Variants in P2RX6 observed in about 807,000 individuals in gnomAD.
P2RX6 encodes purinergic receptor P2X 6.
A neutral mutation model predicts 54.2 loss-of-function variants in P2RX6; 62 were observed. That is an observed-to-expected ratio of 1.14 (90% confidence interval 0.93 to 1.41). P2RX6 has a LOEUF of 1.41. Ranked by LOEUF, P2RX6 falls within the 40% of genes most tolerant of loss-of-function variation. P2RX6 has a pLI of 0.00. For missense variants in P2RX6, 541 were observed against 566.3 expected, an observed-to-expected ratio of 0.96 and a Z score of 0.45; for synonymous variants, 211 against 231.9, an observed-to-expected ratio of 0.91 and a Z score of 0.82.
At chr22:21,014,940 C>T (rs1249293253), upstream of P2RX6, 6 of 443,358 alleles carry the variant, frequency 1.4e-5, no homozygotes, top group Non-Finnish European at 2.4e-5. Flanking sequence ...GGAAGTGAGG[C>T]CAGAGGGCAG....
At chr22:21,021,095 C>T (rs1927314526) in intron 3 of P2RX6, among the ~76,000 whole-genome samples, 1 of 152,024 alleles carries the variant, frequency 6.6e-6, no homozygotes, top group African/African-American at 2.4e-5. Context: ...CCCTGTAAGC[C>T]CCACTAAGGA....
intron 2 of P2RX6, among the ~76,000 whole-genome samples, chr22:21,017,147 C>T (rs1601750018): frequency 6.6e-6 from 1 of 152,140 alleles, no homozygotes; most frequent in Non-Finnish European, 1.5e-5. Flanking sequence ...GTGCACACCA[C>T]GCAGCAGCCA....
rs1036203045 is a variant in P2RX6, at chr22:21,022,933, G to C, written c.464-9G>C. Reference sequence around the variant, plus strand: ...TTTGAAGGTCTGGAGTTCATCTTTTGTTTTCTAGGTGTAAAAACAGGCCAG... The same window carrying C: ...TTTGAAGGTCTGGAGTTCATCTTTTCTTTTCTAGGTGTAAAAACAGGCCAG... On this transcript the variant is annotated splice_polypyrimidine_tract_variant and intron_variant, in intron 4 of 11. Transcript: ENST00000413302. 3.7e-6 allele frequency: 6 copies of C among 1,611,730 alleles called. No homozygotes were observed. Among genetic ancestry groups the C allele is most frequent in the Admixed American group, 3.3e-5 (2 of 59,994 alleles).
chr22:21,022,852 C>T (rs1601769083), intron 4 of P2RX6, 90 bp from the exon 5 acceptor site: 1 of 1,482,228 alleles, frequency 6.7e-7, no homozygotes, highest in South Asian at 1.2e-5. Context: ...TCTGTCCCTG[C>T]ATCTCTCTTT....
At chr22:21,022,168 A>G (rs1220785729) in intron 3 of P2RX6, among the ~76,000 whole-genome samples, 1 of 152,034 alleles carries the variant, frequency 6.6e-6, no homozygotes, top group Non-Finnish European at 1.5e-5. Flanking sequence ...AGGAGTTAAA[A>G]ACCAGCCTGG....
rs149537400 is a variant in P2RX6 at position 21,026,504 on chromosome 22, C to G, written c.1213C>G (p.Arg405Gly). The G allele has an allele frequency of 1.9e-5, 30 of 1,595,780 alleles. No homozygotes were observed. Among genetic ancestry groups the G allele is most frequent in the Non-Finnish European group, 2.2e-5 (26 of 1,171,928 alleles). The change falls in exon 12 of 12, where the codon CGG (arginine) becomes GGG (glycine). Residue 405 changes from arginine to glycine, a missense_variant. Arg to Gly is a moderately radical substitution (Grantham distance 125). Transcript: ENST00000413302. This position sits in a 1 kb window ranked among gnomAD's most constrained non-coding sequence, Gnocchi z 4.0. Reference sequence around the variant, plus strand: ...AGCCCGACTGGCCGAGTGCCTCAGACGGAGCTCAGCACCTGCACCCACGGC... The same window carrying G: ...AGCCCGACTGGCCGAGTGCCTCAGAGGGAGCTCAGCACCTGCACCCACGGC... ...SQARLAECLR[R>G]SSAPAPTATA... is the part of the protein sequence containing the mutation.
In P2RX6 at chr22:21,021,431, T is replaced by A. The variant is rs1927388475; in HGVS notation, c.388-1245T>A. 3.9e-5 allele frequency among the ~76,000 whole-genome samples: 6 copies of A among 152,074 alleles called. 1 individual carries two copies. In the South Asian group the frequency reaches 1.2e-3, roughly 32 times the overall value. ...GTGGGGGCCCCACTGGTGGTCACTG[T>A]GGGGTCTAGTTGGAGGAGACGGTAG... On this transcript the variant is annotated intron_variant, in intron 3 of 11. Transcript: ENST00000413302.
At chr22:21,023,091 A>T in intron 5 of P2RX6, 27 bp from the exon 6 acceptor site, 2 of 1,613,222 alleles carry the variant, frequency 1.2e-6, no homozygotes, top group Non-Finnish European at 1.7e-6. Context: ...GGCCTGGCAG[A>T]GGCTGTCACC....
rs753435216 is a variant in P2RX6, at chr22:21,023,178, C to A, written c.618C>A (p.Phe206Leu). ...FTLFIKNTVTFSKFNFSKSNA... is the reference protein window; with the variant it reads ...FTLFIKNTVTLSKFNFSKSNA... ...TGTTCATCAAAAACACAGTCACCTT[C>A]AGCAAGTTCAACTTCTCTAAGTAAG... Residue 206 changes from phenylalanine (F) to leucine (L), a missense_variant, in exon 6 of 12, where the codon TTC (phenylalanine) becomes TTA (leucine). By Grantham distance (22) the Phe-to-Leu change is conservative. Around this residue, in one of 2 missense-constraint regions of P2RX6, gnomAD observed 526 missense variants for 531.5 expected, o/e 0.99. Coordinates refer to ENST00000413302, the MANE Select transcript of P2RX6 (RefSeq NM_005446.5). 1 of 1,613,976 alleles carries A rather than the reference C, an allele frequency of 6.2e-7. No homozygotes were observed. The highest frequency in any genetic ancestry group is 1.7e-5 in the Admixed American group (1 of 60,016).
At chr22:21,012,443 T>C (rs755635140), upstream of P2RX6, 26 of 424,392 alleles carry the variant, frequency 6.1e-5, no homozygotes, top group Non-Finnish European at 8.9e-5. Context: ...CCAGGTGACA[T>C]GGCCCAGCTT....
chr22:21,026,795 C>A lies in P2RX6; in HGVS notation c.*178C>A. The stretch of plus-strand genomic sequence containing the variant: ...TGCTGCCTCAGGGAGCCATAGAAGT[C>A]GGCTGTGTTTTGAGACGGCGACAGA... On this transcript the variant is annotated 3_prime_UTR_variant, in exon 12 of 12. Coordinates refer to ENST00000413302, the MANE Select transcript of P2RX6 (RefSeq NM_005446.5). The surrounding 1 kb of genome is among the most constrained non-coding windows in gnomAD (Gnocchi z 4.0). The A allele has an allele frequency of 1.5e-6, 2 of 1,338,280 alleles. No individual in the cohort carries two copies. 82.9% of individuals were successfully genotyped at this position (1,338,280 alleles called of 1,614,324 possible).
At chr22:21,010,856 T>G (rs1270040581), upstream of P2RX6, among the ~76,000 whole-genome samples, 1 of 151,906 alleles carries the variant, frequency 6.6e-6, no homozygotes, top group African/African-American at 2.4e-5. Context: ...CTCCCTAGCC[T>G]AGGCACACTG....
In P2RX6 at chr22:21,025,069, T is replaced by TG. The variant is rs372182999; in HGVS notation, c.891-732dup. Among the ~76,000 whole-genome samples the TG allele has an allele frequency of 5.7e-3, 863 of 151,432 alleles. 10 individuals carry two copies. Among genetic ancestry groups the TG allele is most frequent in the African/African-American group, 0.019 (796 of 41,188 alleles). On this transcript the variant is annotated intron_variant, in intron 8 of 11. Transcript: ENST00000413302. Reference sequence around the variant, plus strand: ...CTAATTTTTGTGTTTTTACTAGAGATGGGGTTTCACCATATTGGTCAGGCT... The same window carrying TG: ...CTAATTTTTGTGTTTTTACTAGAGATGGGGGTTTCACCATATTGGTCAGGCT...
At chr22:21,012,470 A>G (rs1925791820), upstream of P2RX6, 2 of 473,636 alleles carry the variant, frequency 4.2e-6, no homozygotes, top group Non-Finnish European at 8.1e-6. Context: ...GTGGAGGCAC[A>G]TCCCTGAGGA....
At chr22:21,017,479 C>T (rs761191030) in intron 2 of P2RX6, among the ~76,000 whole-genome samples, 2 of 152,214 alleles carry the variant, frequency 1.3e-5, no homozygotes, top group Non-Finnish European at 2.9e-5. Flanking sequence ...GGAGACTCAC[C>T]TCGTCTCCAT....
At chr22:21,023,476 C>G in intron 7 of P2RX6, 33 bp from the exon 8 acceptor site, 2 of 1,613,452 alleles carry the variant, frequency 1.2e-6, no homozygotes, top group Non-Finnish European at 1.7e-6. Flanking sequence ...CCCGGGCCCA[C>G]CCACCGGTGG....
chr22:21,011,949 A>G (rs1925758895), upstream of P2RX6, among the ~76,000 whole-genome samples: 3 of 152,224 alleles, frequency 2.0e-5, no homozygotes, highest in South Asian at 6.2e-4. Flanking sequence ...ATTGGCAATA[A>G]TAGCCCAGGT....
At chr22:21,015,825 C>T (rs1926258423) in intron 1 of P2RX6, 117 bp from the exon 2 acceptor site, 6 of 1,068,844 alleles carry the variant, frequency 5.6e-6, no homozygotes, top group South Asian at 3.4e-5. Flanking sequence ...GTGGGGCCTT[C>T]GATGTTGGGC....
In P2RX6 at chr22:21,019,378, C is replaced by T. The variant is rs147424098; in HGVS notation, c.387+1318C>T. 4.2e-3 allele frequency among the ~76,000 whole-genome samples: 640 copies of T among 152,298 alleles called. 5 individuals are homozygous for T. Among genetic ancestry groups the T allele is most frequent in the African/African-American group, 0.015 (603 of 41,562 alleles). ...TCCCCAAGGCTGGAGTTCAATGGCACGATCTCGGCTCACTGCAACCTCCGC... is the reference window on the plus strand; with the variant it reads ...TCCCCAAGGCTGGAGTTCAATGGCATGATCTCGGCTCACTGCAACCTCCGC... On this transcript the variant is annotated intron_variant, in intron 3 of 11. Transcript: ENST00000413302.
Sources: gnomAD v4.1 joint callset for allele counts (sites outside exome capture counted in the v4.1 genomes callset) on GRCh38, gnomAD v4.1.1 for gene constraint, gnomAD v4.1.1 regional missense constraint, Gnocchi (gnomAD v3.1) non-coding constraint, MANE v1.5 for transcripts, NCBI Gene and HGNC (gene_info 2026-07-23, HGNC 2026-07-21) for gene names.